RASAL2: variants seen among roughly 807,000 people sequenced by gnomAD.
The protein encoded by RASAL2 is RAS protein activator like 2.
Under a neutral mutation model 128.9 loss-of-function variants are expected in RASAL2, and 58 were observed. The observed-to-expected ratio is 0.45, with a 90% CI of 0.36 to 0.56. The LOEUF is 0.56. Among genes scored for constraint, RASAL2 ranks in the 20% least tolerant of loss-of-function variants. RASAL2 has a pLI of 0.00. For synonymous variants in RASAL2, 561 were observed against 580.8 expected, an observed-to-expected ratio of 0.97 and a Z score of 0.49; for missense variants, 1,360 against 1,601.6, an observed-to-expected ratio of 0.85 and a Z score of 2.57.
intron 1 of RASAL2, among the ~76,000 whole-genome samples, chr1:178,228,935 A>T (rs1245091527): frequency 7.3e-5 from 11 of 150,844 alleles, no homozygotes; most frequent in African/African-American, 2.7e-4. Flanking sequence ...ATAGACTCAA[A>T]GGAAGAGGTT....
At chr1:178,266,075 A>T (rs984518555) in intron 1 of RASAL2, among the ~76,000 whole-genome samples, 3 of 152,168 alleles carry the variant, frequency 2.0e-5, no homozygotes, top group Non-Finnish European at 4.4e-5. Context: ...GTTCTTATAC[A>T]TGTCTTTTGA....
chr1:178,247,091 A>G (rs1207852642), intron 1 of RASAL2, among the ~76,000 whole-genome samples: 1 of 152,220 alleles, frequency 6.6e-6, no homozygotes, highest in Non-Finnish European at 1.5e-5. Flanking sequence ...AAAATGAGTT[A>G]TGGAGAAGTC....
chr1:178,364,284 T>C (rs1671283816), intron 3 of RASAL2, among the ~76,000 whole-genome samples: 1 of 152,130 alleles, frequency 6.6e-6, no homozygotes, highest in Non-Finnish European at 1.5e-5. Flanking sequence ...TATCTAAAAA[T>C]GTTATGGAAG....
chr1:178,184,555 T>C (rs535924376), intron 1 of RASAL2, among the ~76,000 whole-genome samples: 1 of 152,224 alleles, frequency 6.6e-6, no homozygotes, highest in South Asian at 2.1e-4. Context: ...CATCCAATGT[T>C]TCAGCATTAT....
At position 178,474,890 on chromosome 1, in the gene RASAL2, G is replaced by T. The variant is rs1648564479; in HGVS notation, c.*1651G>T. The stretch of plus-strand genomic sequence containing the variant: ...TTGATTTTAAATTATAAGCTTTAAA[G>T]AATTTTTTTTCTAGAAAAAGGGGAT... On this transcript the variant is annotated 3_prime_UTR_variant, in exon 18 of 18. Transcript: ENST00000367649. The T allele has an allele frequency of 2.0e-5, 3 of 152,132 alleles. No individual in the cohort carries two copies. Among genetic ancestry groups the T allele is most frequent in the Middle Eastern group, 3.4e-3 (1 of 294 alleles). The allele number at this position is 152,132 out of a possible 1,614,324, so 9.4% of individuals were successfully genotyped here. A position where few individuals can be genotyped will look rare whatever the true frequency, so the allele number is the denominator to read the frequency against.
chr1:178,413,701 A>G (rs1674563588), intron 4 of RASAL2, among the ~76,000 whole-genome samples: 1 of 152,240 alleles, frequency 6.6e-6, no homozygotes, highest in Admixed American at 6.5e-5. Context: ...GAAAATATTG[A>G]AATTATCAGA....
At chr1:178,319,332 C>G (rs1203885285) in intron 3 of RASAL2, among the ~76,000 whole-genome samples, 1 of 151,788 alleles carries the variant, frequency 6.6e-6, no homozygotes, top group Admixed American at 6.6e-5. Context: ...TGAATCTGAA[C>G]GTTGGCCTGC....
intron 1 of RASAL2, among the ~76,000 whole-genome samples, chr1:178,178,159 C>G (rs1480924305): frequency 6.6e-6 from 1 of 152,016 alleles, no homozygotes; most frequent in Non-Finnish European, 1.5e-5. Context: ...TAAAAAAATT[C>G]AATAGGAATA....
At chr1:178,248,435 G>GAGA (rs1239103618) in intron 1 of RASAL2, among the ~76,000 whole-genome samples, 1 of 151,924 alleles carries the variant, frequency 6.6e-6, no homozygotes, top group Non-Finnish European at 1.5e-5. Context: ...GAGCCCATGT[G>GAGA]TGTCTTTGCA....
chr1:178,290,749 C>T (rs931517785), intron 2 of RASAL2, among the ~76,000 whole-genome samples: 10 of 152,088 alleles, frequency 6.6e-5, no homozygotes, highest in Non-Finnish European at 1.0e-4. Flanking sequence ...GATCTCGGCT[C>T]GCTGCAAGCT....
chr1:178,203,457 G>T (rs577540264), intron 1 of RASAL2, among the ~76,000 whole-genome samples: 8 of 152,246 alleles, frequency 5.3e-5, no homozygotes, highest in African/African-American at 1.7e-4. Context: ...TCTAATACAT[G>T]GTACTGTTTC....
At chr1:178,272,915 G>A (rs1231460928) in intron 1 of RASAL2, among the ~76,000 whole-genome samples, 1 of 151,580 alleles carries the variant, frequency 6.6e-6, no homozygotes, top group African/African-American at 2.4e-5. Flanking sequence ...CTGGGTGACA[G>A]AATGAGATTC....
rs1319028965 is a variant in RASAL2 at position 178,301,431 on chromosome 1, GTC to G, written c.457+1319_457+1320del. 4.6e-5 allele frequency among the ~76,000 whole-genome samples: 7 copies of G among 151,594 alleles called. No homozygotes were observed. In the East Asian group the frequency reaches 1.4e-3, roughly 29 times the overall value. On this transcript the variant is annotated intron_variant, in intron 3 of 17. Coordinates refer to ENST00000367649, the MANE Select transcript of RASAL2 (RefSeq NM_170692.4). ...TATTTGCAATGATATGTTGACTGTT[GTC>G]TCTCTTTTTTTTTTTCTGAGACAGA...
intron 5 of RASAL2, among the ~76,000 whole-genome samples, chr1:178,426,634 G>GA (rs1675532618): frequency 6.6e-6 from 1 of 151,154 alleles, no homozygotes; most frequent in Non-Finnish European, 1.5e-5. Context: ...TTTCTAGAAA[G>GA]AAAAAATAGG....
Position 178,445,624 on chromosome 1 carries a change from TCAAGTTGGTGGGA to T in RASAL2, c.1593_1605del (p.Lys531AsnfsTer34). The T allele has an allele frequency of 6.2e-7, 1 of 1,613,732 alleles. No homozygotes were observed. Among genetic ancestry groups the T allele is most frequent in the Non-Finnish European group, 8.5e-7 (1 of 1,179,754 alleles). ...GCCACCAAATCCATTGAGGAATACC[TCAAGTTGGTGGGA>T]CAACAGTATCTTCATGACGCACTGG... On this transcript the variant is annotated frameshift_variant, in exon 9 of 18. Transcript: ENST00000367649. LOFTEE classifies it high-confidence loss of function.
chr1:178,336,943 T>G (rs140990949), intron 3 of RASAL2, among the ~76,000 whole-genome samples: 56 of 152,250 alleles, frequency 3.7e-4, no homozygotes, highest in African/African-American at 1.2e-3. Flanking sequence ...CCCATTTAGA[T>G]TTTGCTTATT....
intron 1 of RASAL2, among the ~76,000 whole-genome samples, chr1:178,274,362 T>C (rs2102183065): frequency 6.6e-6 from 1 of 152,218 alleles, no homozygotes; most frequent in South Asian, 2.1e-4. Flanking sequence ...AGTGATGCGA[T>C]CCAATTCAAA....
chr1:178,448,347 T>C (rs1677154379), intron 9 of RASAL2, among the ~76,000 whole-genome samples: 1 of 152,094 alleles, frequency 6.6e-6, no homozygotes. Context: ...CTCACACTGG[T>C]TTCAGGAGGA....
rs1181027477 is a variant in RASAL2 at position 178,474,220 on chromosome 1, T to C, written c.*981T>C. The C allele has an allele frequency of 6.6e-6, 1 of 152,666 alleles. No homozygotes were observed. Among genetic ancestry groups the C allele is most frequent in the Non-Finnish European group, 1.5e-5 (1 of 68,046 alleles). The allele number at this position is 152,666 out of a possible 1,614,324, so 9.5% of individuals were successfully genotyped here. On this transcript the variant is annotated 3_prime_UTR_variant, in exon 18 of 18. Transcript: ENST00000367649. Reference sequence around the variant, plus strand: ...ATCCAGATCAACACCCTTTCTTCCATACAGAAAAGGGCTAACCATACCACA... The same window carrying C: ...ATCCAGATCAACACCCTTTCTTCCACACAGAAAAGGGCTAACCATACCACA...
Sources: gnomAD v4.1 joint callset for allele counts (sites outside exome capture counted in the v4.1 genomes callset) on GRCh38, gnomAD v4.1.1 for gene constraint, MANE v1.5 for transcripts, NCBI Gene and HGNC (gene_info 2026-07-23, HGNC 2026-07-21) for gene names.